Variants in TRIM37 observed in about 807,000 individuals in gnomAD.
The protein encoded by TRIM37 is tripartite motif containing 37.
TRIM37 carries 80 observed loss-of-function variants against 129.8 expected under a neutral mutation model. That is an observed-to-expected ratio of 0.62 (90% CI 0.51 to 0.74). The LOEUF is 0.74. TRIM37 is among the 30% of genes least tolerant of loss of function. The probability of loss-of-function intolerance (pLI) is 0.00; values close to 1 mark genes in which losing one functional copy is unlikely to be tolerated. For missense variants in TRIM37, 1,054 were observed against 1,176.5 expected (o/e 0.90, Z 1.52); for synonymous variants, 389 against 387.1 (o/e 1.00, Z -0.06).
chr17:59,037,039 C>T (rs964117953), intron 17 of TRIM37, among the ~76,000 whole-genome samples: 2 of 151,830 alleles, frequency 1.3e-5, no homozygotes, highest in Non-Finnish European at 2.9e-5. Flanking sequence ...GGCTTGAACC[C>T]GGGAGGCAGA....
intron 19 of TRIM37, 30 bp from the exon 20 acceptor site, chr17:59,017,454 TAGGCTACTAC>T (rs1567985494): frequency 1.9e-6 from 3 of 1,613,494 alleles, no homozygotes; most frequent in Non-Finnish European, 2.5e-6. Flanking sequence ...CACCTCTGAA[TAGGCTACTAC>T]AGCACAAAAC....
At chr17:58,996,084 C>T (rs1040252356), downstream of TRIM37, among the ~76,000 whole-genome samples, 9 of 151,990 alleles carry the variant, frequency 5.9e-5, no homozygotes, top group African/African-American at 2.2e-4. Flanking sequence ...TTAGTAATTA[C>T]AAAGGGGGAA....
At chr17:59,010,921 A>G (rs1242932962) in intron 22 of TRIM37, among the ~76,000 whole-genome samples, 1 of 152,118 alleles carries the variant, frequency 6.6e-6, no homozygotes, top group East Asian at 1.9e-4. Flanking sequence ...CTGTAATCCT[A>G]GCACTTTGGG....
intron 16 of TRIM37, among the ~76,000 whole-genome samples, chr17:59,042,394 GC>G (rs2145912283): frequency 9.2e-6 from 1 of 108,470 alleles, no homozygotes; most frequent in South Asian, 2.9e-4. Flanking sequence ...AAAAAAATCA[GC>G]CAGTTCTTCT....
chr17:59,007,337 A>T (rs1000686075), intron 22 of TRIM37, among the ~76,000 whole-genome samples: 1 of 150,388 alleles, frequency 6.6e-6, no homozygotes, highest in Non-Finnish European at 1.5e-5. Flanking sequence ...TGTTAATGTA[A>T]AAGAGTTAAT....
At chr17:59,032,718 G>A (rs2038027204) in intron 17 of TRIM37, among the ~76,000 whole-genome samples, 1 of 151,878 alleles carries the variant, frequency 6.6e-6, no homozygotes, top group Non-Finnish European at 1.5e-5. Flanking sequence ...TAAGGGTAAG[G>A]AGAAGGAGAT....
intron 12 of TRIM37, among the ~76,000 whole-genome samples, chr17:59,060,377 C>A (rs913049704): frequency 3.3e-5 from 5 of 149,880 alleles, no homozygotes; most frequent in Admixed American, 6.6e-5. Context: ...GATCTCATCC[C>A]TCTTGCTTCA....
intron 17 of TRIM37, among the ~76,000 whole-genome samples, chr17:59,032,531 CAA>C (rs35442859): frequency 7.3e-4 from 62 of 84,754 alleles, no homozygotes; most frequent in African/African-American, 2.2e-3. Context: ...GACTCCGTCT[CAA>C]AAAAAAAAAA....
chr17:59,104,140 A>C (rs2045779993), intron 2 of TRIM37, among the ~76,000 whole-genome samples, 153 bp downstream of exon 2: 1 of 152,164 alleles, frequency 6.6e-6, no homozygotes, highest in South Asian at 2.1e-4. Context: ...AAGGCAGGCA[A>C]TTTGTCATTT....
chr17:59,098,870 AG>A (rs892678756), intron 2 of TRIM37, among the ~76,000 whole-genome samples: 36 of 152,164 alleles, frequency 2.4e-4, no homozygotes, highest in African/African-American at 8.7e-4. Context: ...AAACAACCCA[AG>A]TGTCCATCAA....
intron 23 of TRIM37, 95 bp downstream of exon 23, chr17:59,001,503 C>A (rs890686967): frequency 9.4e-6 from 14 of 1,489,768 alleles, no homozygotes; most frequent in African/African-American, 2.8e-5. Flanking sequence ...AGCAGTAGAG[C>A]GGAAAAAGTA....
the TRIM37 span, among the ~76,000 whole-genome samples, chr17:58,976,550 T>G: frequency 2.0e-5 from 3 of 152,164 alleles, no homozygotes; most frequent in African/African-American, 7.2e-5. Context: ...TTCAACAGTT[T>G]CTCCCCATGA....
intron 2 of TRIM37, among the ~76,000 whole-genome samples, chr17:59,093,156 T>C (rs921191106): frequency 4.0e-5 from 6 of 151,612 alleles, no homozygotes; most frequent in Non-Finnish European, 8.9e-5. Context: ...TCTCAAAAAA[T>C]AAAATAAAAA....
rs2033321723 is a variant in TRIM37, at chr17:58,999,005, A to G, written c.*372T>C. The G allele has an allele frequency of 2.7e-6, 3 of 1,119,120 alleles. No individual in the cohort carries two copies. The African/African-American group carries it at 5.0e-5, about 19-fold the overall frequency. The allele number at this position is 1,119,120 out of a possible 1,614,324, so 69.3% of individuals were successfully genotyped here. ...CAACTAAGCTCTAGCCAAAGACAGT[A>G]GAGCACCAATGCCGGGCGGGTTACT... On this transcript the variant is annotated 3_prime_UTR_variant, in exon 24 of 24. Transcript: ENST00000262294.
downstream of TRIM37, among the ~76,000 whole-genome samples, chr17:58,996,805 TGTGTG>T (rs2033058116): frequency 6.6e-6 from 1 of 151,226 alleles, no homozygotes; most frequent in Non-Finnish European, 1.5e-5. Flanking sequence ...TGTGTGTGTG[TGTGTG>T]TGTGTGTGTG....
At chr17:59,082,199 A>T (rs532472091) in intron 5 of TRIM37, among the ~76,000 whole-genome samples, 1 of 152,096 alleles carries the variant, frequency 6.6e-6, no homozygotes, top group African/African-American at 2.4e-5. Context: ...TGAAGCCGGG[A>T]GGCGGAGGTT....
chr17:59,063,960 C>T (rs1303297280), intron 10 of TRIM37, among the ~76,000 whole-genome samples: 2 of 151,944 alleles, frequency 1.3e-5, no homozygotes, highest in Non-Finnish European at 2.9e-5. Context: ...TTGAGACCAG[C>T]CTAGGAAACA....
chr17:59,043,834 A>C (rs2039501514), intron 16 of TRIM37, among the ~76,000 whole-genome samples: 1 of 152,178 alleles, frequency 6.6e-6, no homozygotes, highest in African/African-American at 2.4e-5. Context: ...CTTTATCCTT[A>C]CTCCAACTTC....
At chr17:59,017,149 G>T in intron 20 of TRIM37, 147 bp downstream of exon 20, 1 of 1,025,936 alleles carries the variant, frequency 9.7e-7, no homozygotes, top group Non-Finnish European at 1.5e-6. Context: ...GGGTGACAAA[G>T]TGAGACCCTG....
Sources: allele counts gnomAD v4.1 joint callset (sites outside exome capture counted in the v4.1 genomes callset), GRCh38; gene constraint gnomAD v4.1.1; transcripts MANE v1.5; gene names NCBI Gene and HGNC (gene_info 2026-07-23, HGNC 2026-07-21).